ARHGEF28: variants seen among roughly 807,000 people sequenced by gnomAD.
ARHGEF28 encodes Rho guanine nucleotide exchange factor 28, also known as 190 kDa guanine nucleotide exchange factor.
In ARHGEF28, 152 loss-of-function variants were observed where a neutral mutation model predicts 206.6. The observed-to-expected ratio is 0.74, with a 90% CI of 0.64 to 0.84. The LOEUF is 0.84. ARHGEF28 is among the 40% of genes least tolerant of loss of function. ARHGEF28 has a pLI of 0.00. For missense variants in ARHGEF28, 2,028 were observed against 2,073.2 expected, an observed-to-expected ratio of 0.98 and a Z score of 0.42; for synonymous variants, 763 against 776.4, an observed-to-expected ratio of 0.98 and a Z score of 0.29.
chr5:73,907,100 G>A (rs527546518), intron 33 of ARHGEF28, among the ~76,000 whole-genome samples: 1 of 152,288 alleles, frequency 6.6e-6, no homozygotes, highest in East Asian at 1.9e-4. Context: ...AATGCTTTTA[G>A]TGTCTTAGGT....
At chr5:73,772,703 T>C (rs756698958) in intron 4 of ARHGEF28, among the ~76,000 whole-genome samples, 2 of 152,050 alleles carry the variant, frequency 1.3e-5, no homozygotes, top group Non-Finnish European at 2.9e-5. Flanking sequence ...ATGTTGGGGA[T>C]GGTGGTGGGT....
Position 73,911,593 on chromosome 5 carries a change from C to T in ARHGEF28, c.4948+18C>T, listed in dbSNP as rs1265031328. On this transcript the variant is annotated intron_variant, in intron 35 of 35. Transcript: ENST00000513042. The stretch of plus-strand genomic sequence containing the variant: ...TAAAAATGGTAATTAACACTTTAAA[C>T]ATCATCTGTATAGTTTGAACAAGAA... 1 of 1,566,460 alleles carries T rather than the reference C, an allele frequency of 6.4e-7. No individual in the cohort carries two copies. The highest frequency in any genetic ancestry group is 1.3e-5 in the African/African-American group (1 of 74,076).
intron 1 of ARHGEF28, among the ~76,000 whole-genome samples, chr5:73,683,878 G>T (rs1347343157): frequency 6.6e-6 from 1 of 152,052 alleles, no homozygotes; most frequent in East Asian, 1.9e-4. Context: ...GACCTTTCTT[G>T]GCTTTCTGAA....
chr5:73,734,009 A>G (rs1447517499), intron 2 of ARHGEF28, among the ~76,000 whole-genome samples: 7 of 152,134 alleles, frequency 4.6e-5, no homozygotes, highest in Admixed American at 4.6e-4. Context: ...AGAACTCGCT[A>G]TCACAAGAAC....
chr5:73,781,497 C>T (rs1036064616), intron 7 of ARHGEF28, among the ~76,000 whole-genome samples: 2 of 152,196 alleles, frequency 1.3e-5, no homozygotes, highest in African/African-American at 4.8e-5. Flanking sequence ...TTTATCTATG[C>T]ATGCAATTCT....
At chr5:73,749,738 TA>T in intron 2 of ARHGEF28, 98 bp from the exon 3 acceptor site, 1 of 1,350,044 alleles carries the variant, frequency 7.4e-7, no homozygotes, top group Non-Finnish European at 1.0e-6. Context: ...GAAGTGAACA[TA>T]ACAAATGACA....
intron 2 of ARHGEF28, among the ~76,000 whole-genome samples, chr5:73,716,404 G>A (rs1425951223): frequency 1.3e-5 from 2 of 152,146 alleles, no homozygotes; most frequent in Non-Finnish European, 2.9e-5. Context: ...GCCTGTTGTG[G>A]CCTGGATTTT....
rs777886610 is a variant in ARHGEF28, at chr5:73,637,686, T to C, written c.-12+11364T>C. On this transcript the variant is annotated intron_variant, in intron 1 of 35. Coordinates refer to ENST00000513042, the MANE Select transcript of ARHGEF28 (RefSeq NM_001177693.2). ...TGTTATTTGATTTTTTGAGCCTTTA[T>C]TGAGTTGGGTTTAGCTAGTAATTGC... Among the ~76,000 whole-genome samples the C allele has an allele frequency of 1.1e-4, 17 of 152,340 alleles. 1 individual carries two copies. The highest frequency in any genetic ancestry group is 8.3e-4 in the South Asian group (4 of 4,828).
intron 2 of ARHGEF28, among the ~76,000 whole-genome samples, chr5:73,743,607 A>G (rs1501678): frequency 0.29 from 44,360 of 152,158 alleles, 6,622 homozygotes; most frequent in African/African-American, 0.32. Context: ...ACATTTGAAT[A>G]ATCTTGATAT....
chr5:73,840,424 A>G, intron 10 of ARHGEF28, 56 bp from the exon 11 acceptor site: 1 of 1,551,382 alleles, frequency 6.4e-7, no homozygotes, highest in Non-Finnish European at 8.8e-7. Flanking sequence ...ATTAATTCTT[A>G]GCTAGGCCAA....
At chr5:73,896,478 T>C (rs1260948113) in intron 29 of ARHGEF28, among the ~76,000 whole-genome samples, 2 of 152,134 alleles carry the variant, frequency 1.3e-5, no homozygotes, top group Non-Finnish European at 2.9e-5. Flanking sequence ...TAATCATGGG[T>C]GTGGCATGAT....
intron 1 of ARHGEF28, among the ~76,000 whole-genome samples, chr5:73,647,661 G>A (rs998505665): frequency 1.3e-5 from 2 of 152,264 alleles, no homozygotes; most frequent in African/African-American, 4.8e-5. Context: ...GTAGCCACAT[G>A]TGGCAAGTGG....
intron 22 of ARHGEF28, among the ~76,000 whole-genome samples, chr5:73,881,450 A>C (rs1366274675): frequency 6.6e-6 from 1 of 152,182 alleles, no homozygotes; most frequent in East Asian, 1.9e-4. Flanking sequence ...TCATTTATTT[A>C]GATTTTTGTC....
chr5:73,898,158 G>A (rs543405494), intron 30 of ARHGEF28, 65 bp downstream of exon 30: 183 of 1,558,458 alleles, frequency 1.2e-4, no homozygotes, highest in Non-Finnish European at 1.5e-4. Flanking sequence ...CAGTGGTCAC[G>A]TAAAGTAAAG....
chr5:73,677,670 G>A (rs544530999), intron 1 of ARHGEF28, among the ~76,000 whole-genome samples: 16 of 152,158 alleles, frequency 1.1e-4, no homozygotes, highest in African/African-American at 1.4e-4. Flanking sequence ...TGTATTCCCC[G>A]TAAGTCTATA....
intron 1 of ARHGEF28, among the ~76,000 whole-genome samples, chr5:73,634,973 ACTGT>A (rs1439582202): frequency 2.6e-5 from 4 of 152,144 alleles, no homozygotes; most frequent in African/African-American, 9.7e-5. Flanking sequence ...GGGCCTTTAG[ACTGT>A]CTGATACAAT....
intron 30 of ARHGEF28, chr5:73,899,170 A>C (rs1237623487): frequency 6.6e-6 from 1 of 152,060 alleles, no homozygotes; most frequent in Non-Finnish European, 1.5e-5. Flanking sequence ...TCATTTTGAC[A>C]CAGCCCAGAT....
intron 2 of ARHGEF28, among the ~76,000 whole-genome samples, chr5:73,710,419 A>G (rs1397905421): frequency 6.6e-6 from 1 of 151,972 alleles, no homozygotes. Context: ...TTTCTTGTTG[A>G]GATGTAAGGG....
chr5:73,839,605 G>T (rs766998002), intron 10 of ARHGEF28, among the ~76,000 whole-genome samples: 26 of 152,096 alleles, frequency 1.7e-4, no homozygotes, highest in Non-Finnish European at 3.2e-4. Context: ...TCTCTTTCTG[G>T]GGAGGATTTT....
Sources: gnomAD v4.1 joint callset for allele counts (sites outside exome capture counted in the v4.1 genomes callset) on GRCh38, gnomAD v4.1.1 for gene constraint, MANE v1.5 for transcripts, NCBI Gene and HGNC (gene_info 2026-07-23, HGNC 2026-07-21) for gene names.